The following EPC2 variants were observed in gnomAD, a reference collection of about 807,000 sequenced individuals.
EPC2 encodes enhancer of polycomb 2.
EPC2 carries 14 observed loss-of-function variants against 92.1 expected under a neutral mutation model. The ratio of observed to expected loss-of-function variants is 0.15; its 90% CI spans 0.10 to 0.24. The LOEUF (loss-of-function observed/expected upper bound fraction) is 0.24. EPC2 is among the 10% of genes least tolerant of loss of function. EPC2 has a pLI of 1.00. For synonymous variants in EPC2, 340 were observed against 334.7 expected (o/e 1.02, Z -0.17); for missense variants, 755 against 971.5 (o/e 0.78, Z 2.96).
intron 11 of EPC2, among the ~76,000 whole-genome samples, chr2:148,782,810 C>A (rs1254831085): frequency 6.6e-6 from 1 of 152,086 alleles, no homozygotes; most frequent in Non-Finnish European, 1.5e-5. Flanking sequence ...AAATTTGAAC[C>A]ACCTGAAAAA....
chr2:148,766,822 A>G (rs1335532646), intron 7 of EPC2, among the ~76,000 whole-genome samples: 2 of 152,200 alleles, frequency 1.3e-5, no homozygotes, highest in Non-Finnish European at 2.9e-5. Flanking sequence ...ATATTTGTAT[A>G]ATAGGCTTAT....
chr2:148,654,026 C>T (rs1325220262), intron 1 of EPC2, among the ~76,000 whole-genome samples: 1 of 150,270 alleles, frequency 6.7e-6, no homozygotes, highest in Non-Finnish European at 1.5e-5. Flanking sequence ...TGGCTCACTG[C>T]AACCTCTGCC....
At position 148,787,457 on chromosome 2, in the gene EPC2, G is replaced by A. The variant is rs904061875; in HGVS notation, c.*1080G>A. The A allele has an allele frequency of 8.5e-5, 13 of 152,566 alleles. No homozygotes were observed. Among genetic ancestry groups the A allele is most frequent in the African/African-American group, 2.4e-4 (10 of 41,434 alleles). The allele number at this position is 152,566 out of a possible 1,614,324, so 9.5% of individuals were successfully genotyped here. Reference sequence around the variant, plus strand: ...TATACGGTTCTTGTAAATTAGATACGTGTAGTGGTGTTTCAGAATGTTTGT... The same window carrying A: ...TATACGGTTCTTGTAAATTAGATACATGTAGTGGTGTTTCAGAATGTTTGT... On this transcript the variant is annotated 3_prime_UTR_variant, in exon 14 of 14. Coordinates refer to ENST00000258484, the MANE Select transcript of EPC2 (RefSeq NM_015630.4).
intron 1 of EPC2, among the ~76,000 whole-genome samples, chr2:148,677,917 A>G (rs925832521): frequency 3.3e-5 from 5 of 152,096 alleles, no homozygotes; most frequent in African/African-American, 1.2e-4. Context: ...GTGTGGACCC[A>G]AAGAGTGAGC....
chr2:148,740,398 A>G (rs1047759258), intron 2 of EPC2, among the ~76,000 whole-genome samples: 3 of 152,098 alleles, frequency 2.0e-5, no homozygotes, highest in East Asian at 1.9e-4. Context: ...AAAATCTCCA[A>G]AATCTATAAT....
rs56911412 is a variant in EPC2 at position 148,663,592 on chromosome 2, A to ATTTTTTTTT, written c.153+18442_153+18450dup. ...TTCCAGTTTTACTATATAGATTAAG[A>ATTTTTTTTT]TTTTTTTTTTTTTTTTTTTTTTTTT... On this transcript the variant is annotated intron_variant, in intron 1 of 13. Coordinates refer to ENST00000258484, the MANE Select transcript of EPC2 (RefSeq NM_015630.4). Among the ~76,000 whole-genome samples the ATTTTTTTTT allele has an allele frequency of 4.7e-4, 35 of 74,366 alleles. 1 individual carries two copies. Among genetic ancestry groups the ATTTTTTTTT allele is most frequent in the African/African-American group, 1.8e-3 (32 of 17,844 alleles). The allele number at this position is 74,366 out of a possible 152,430, so 48.8% of individuals were successfully genotyped here.
At chr2:148,776,670 T>C (rs990589159) in intron 10 of EPC2, among the ~76,000 whole-genome samples, 10 of 152,152 alleles carry the variant, frequency 6.6e-5, no homozygotes, top group Admixed American at 2.0e-4. Context: ...ACCTGCCCTT[T>C]AAAACAGACA....
Position 148,690,385 on chromosome 2 carries a change from A to G in EPC2, c.313+12A>G. 2 of 1,564,342 alleles carry G rather than the reference A, an allele frequency of 1.3e-6. No homozygotes were observed. Among genetic ancestry groups the G allele is most frequent in the Admixed American group, 2.1e-5 (1 of 47,618 alleles). On this transcript the variant is annotated intron_variant, in intron 2 of 13. Coordinates refer to ENST00000258484, the MANE Select transcript of EPC2 (RefSeq NM_015630.4). ...CATTCATATTCAGCGTAAGTTTGTT[A>G]ATTCATTGTTTTCTGTTTGTACTTT...
Position 148,663,194 on chromosome 2 carries a change from GTATTATTATTATTATTAT to G in EPC2, c.153+18053_153+18070del, listed in dbSNP as rs56337513. Among the ~76,000 whole-genome samples, 33 of 136,346 alleles carry G rather than the reference GTATTATTATTATTATTAT, an allele frequency of 2.4e-4. No individual in the cohort carries two copies. The Middle Eastern group carries it at 0.011, about 46-fold the overall frequency. 89.4% of individuals were successfully genotyped at this position (136,346 alleles called of 152,430 possible). On this transcript the variant is annotated intron_variant, in intron 1 of 13. Transcript: ENST00000258484. ...CTCAAAAGGTATCTACTGTGTTTTT[GTATTATTATTATTATTAT>G]TATTATTATTATTATTATTATTATT...
intron 3 of EPC2, among the ~76,000 whole-genome samples, chr2:148,745,334 A>T (rs1682964313): frequency 6.6e-6 from 1 of 152,106 alleles, no homozygotes; most frequent in Non-Finnish European, 1.5e-5. Flanking sequence ...ATACCATCAG[A>T]AGCCTTCAGC....
rs142725305 is a variant in EPC2, at chr2:148,691,459, C to T, written c.313+1086C>T. Reference sequence around the variant, plus strand: ...TTTTTAAAGAGTTCCCTGTGTGATTCTGAAACATCACCAGCTTTAAGACTG... The same window carrying T: ...TTTTTAAAGAGTTCCCTGTGTGATTTTGAAACATCACCAGCTTTAAGACTG... On this transcript the variant is annotated intron_variant, in intron 2 of 13. Transcript: ENST00000258484. 1.2e-4 allele frequency: 180 copies of T among 1,488,524 alleles called. 1 individual carries two copies. In the African/African-American group the frequency reaches 2.1e-3, roughly 17 times the overall value. The allele number at this position is 1,488,524 out of a possible 1,614,324, so 92.2% of individuals were successfully genotyped here.
chr2:148,678,907 G>A (rs1681333822), intron 1 of EPC2, among the ~76,000 whole-genome samples: 1 of 152,272 alleles, frequency 6.6e-6, no homozygotes, highest in African/African-American at 2.4e-5. Flanking sequence ...GAGGCGCCAA[G>A]AGCGAGCGAG....
chr2:148,702,474 T>G (rs1353445742), intron 2 of EPC2, among the ~76,000 whole-genome samples: 1 of 152,204 alleles, frequency 6.6e-6, no homozygotes, highest in Non-Finnish European at 1.5e-5. Context: ...TCTGCAGGGC[T>G]TCCCCAGCTC....
chr2:148,769,287 C>A, intron 8 of EPC2, 47 bp downstream of exon 8: 1 of 1,329,236 alleles, frequency 7.5e-7, no homozygotes, highest in Non-Finnish European at 1.1e-6. Context: ...CTGGAATTAA[C>A]AGGTAACCCA....
intron 2 of EPC2, among the ~76,000 whole-genome samples, chr2:148,724,804 G>A (rs1024803963): frequency 6.6e-6 from 1 of 152,032 alleles, no homozygotes; most frequent in East Asian, 1.9e-4. Context: ...ATGTCATATT[G>A]GGAGTTTAGG....
chr2:148,770,870 C>T lies in EPC2; in HGVS notation c.1309C>T (p.Leu437Phe). 1 of 1,613,808 alleles carries T rather than the reference C, an allele frequency of 6.2e-7. No individual in the cohort carries two copies. Among genetic ancestry groups the T allele is most frequent in the Non-Finnish European group, 8.5e-7 (1 of 1,179,842 alleles). ...GGATAAGTTGAGGTATAGGCATTGC[C>T]TTACAACACTTACAGTCCCAAGAAG... Reference protein sequence around the residue: ...DLDKLRYRHCLTTLTVPRRCI... With the variant: ...DLDKLRYRHCFTTLTVPRRCI... The change falls in exon 9 of 14, where the codon CTT becomes TTT. Residue 437 changes from leucine to phenylalanine, a missense_variant. Physicochemically the swap from Leu to Phe is conservative, Grantham distance 22. Coordinates refer to ENST00000258484, the MANE Select transcript of EPC2 (RefSeq NM_015630.4).
At chr2:148,666,267 A>C (rs1444752567) in intron 1 of EPC2, among the ~76,000 whole-genome samples, 2 of 152,034 alleles carry the variant, frequency 1.3e-5, no homozygotes, top group African/African-American at 4.8e-5. Flanking sequence ...CAGCCTCCTG[A>C]GTAGCTGGGA....
chr2:148,706,009 T>C (rs975756164), intron 2 of EPC2, among the ~76,000 whole-genome samples: 4 of 152,076 alleles, frequency 2.6e-5, no homozygotes, highest in Non-Finnish European at 4.4e-5. Context: ...CTTTGACAAA[T>C]TGACAGAAGT....
intron 10 of EPC2, among the ~76,000 whole-genome samples, chr2:148,771,672 A>G (rs1051120492): frequency 5.9e-5 from 9 of 152,164 alleles, no homozygotes; most frequent in African/African-American, 1.7e-4. Context: ...GCACAGTACT[A>G]TCTGCTGCTT....
Sources: allele counts gnomAD v4.1 joint callset (sites outside exome capture counted in the v4.1 genomes callset), GRCh38; gene constraint gnomAD v4.1.1; transcripts MANE v1.5; gene names NCBI Gene and HGNC (gene_info 2026-07-23, HGNC 2026-07-21).